The following CLNK variants were observed in gnomAD, a reference collection of about 807,000 sequenced individuals.
The protein encoded by CLNK is cytokine dependent hematopoietic cell linker.
In CLNK, 74 loss-of-function variants were observed where a neutral mutation model predicts 68.6. The observed-to-expected ratio is 1.08, with a 90% confidence interval of 0.89 to 1.31. The LOEUF (loss-of-function observed/expected upper bound fraction) is 1.31. Ranked by LOEUF, CLNK falls within the 50% of genes most tolerant of loss-of-function variation. The probability of loss-of-function intolerance (pLI) is 0.00; values close to 1 mark genes in which losing one functional copy is unlikely to be tolerated. For missense variants in CLNK, 553 were observed against 515.3 expected (o/e 1.07, Z -0.71); for synonymous variants, 198 against 172.2 (o/e 1.15, Z -1.17).
chr4:10,520,979 G>T, intron 14 of CLNK, 148 bp from the exon 15 acceptor site: 2 of 654,432 alleles, frequency 3.1e-6, no homozygotes, highest in Admixed American at 4.9e-5. Context: ...AGAATCATTT[G>T]TTTTGAAAAG....
the CLNK span, among the ~76,000 whole-genome samples, chr4:10,734,668 T>C: frequency 0.043 from 6,497 of 152,300 alleles, 337 homozygotes; most frequent in African/African-American, 0.12. Flanking sequence ...GTATTTTACA[T>C]CAGTGCTTCT....
intron 1 of CLNK, among the ~76,000 whole-genome samples, chr4:10,672,007 C>A (rs975604865): frequency 1.3e-4 from 20 of 152,088 alleles, no homozygotes; most frequent in African/African-American, 4.3e-4. Context: ...GGTCGTAAGT[C>A]AAATACTTAA....
At chr4:10,510,611 C>T (rs955022000) in intron 16 of CLNK, among the ~76,000 whole-genome samples, 5 of 152,142 alleles carry the variant, frequency 3.3e-5, no homozygotes, top group Non-Finnish European at 7.3e-5. Context: ...CATAGCTCTT[C>T]GGCACTAACA....
chr4:10,492,257 G>T (rs1716609542), intron 18 of CLNK, among the ~76,000 whole-genome samples: 1 of 152,094 alleles, frequency 6.6e-6, no homozygotes, highest in Non-Finnish European at 1.5e-5. Context: ...TTTCAGCTTT[G>T]CCTATAGCTT....
intron 2 of CLNK, among the ~76,000 whole-genome samples, chr4:10,646,826 A>G (rs746373037): frequency 6.6e-6 from 1 of 152,192 alleles, no homozygotes; most frequent in Non-Finnish European, 1.5e-5. Flanking sequence ...CTTTATGCAC[A>G]TGTTCCTAGA....
the CLNK span, among the ~76,000 whole-genome samples, chr4:10,723,173 TG>T: frequency 6.6e-6 from 1 of 152,150 alleles, no homozygotes; most frequent in Non-Finnish European, 1.5e-5. Flanking sequence ...ATGAAGAGGA[TG>T]TTTCCTGTCA....
chr4:10,678,934 C>A (rs879087828), intron 1 of CLNK, among the ~76,000 whole-genome samples: 1 of 152,274 alleles, frequency 6.6e-6, no homozygotes, highest in South Asian at 2.1e-4. Context: ...AATGGCCATA[C>A]TGCCCAAGGT....
upstream of CLNK, among the ~76,000 whole-genome samples, chr4:10,689,745 A>ATTTTTTTTTTTTTTGTTT (rs1725396078): frequency 1.0e-5 from 1 of 100,094 alleles, no homozygotes; most frequent in Non-Finnish European, 2.0e-5. Flanking sequence ...AAACCCATGC[A>ATTTTTTTTTTTTTTGTTT]TTTTTTTTTT....
rs556135618 is a variant in CLNK at position 10,537,402 on chromosome 4, C to T, written c.602+3092G>A. Among the ~76,000 whole-genome samples the T allele has an allele frequency of 9.5e-4, 145 of 152,198 alleles. 1 individual carries two copies. Among genetic ancestry groups the T allele is most frequent in the Admixed American group, 3.8e-3 (58 of 15,292 alleles). The stretch of plus-strand genomic sequence containing the variant: ...TTGAGTCAGGAGAATCAATTGAACC[C>T]GGGAGGCAGAGGTTGCAGTGAGCTG... On this transcript the variant is annotated intron_variant, in intron 11 of 18. Coordinates refer to ENST00000226951, the MANE Select transcript of CLNK (RefSeq NM_052964.4).
chr4:10,548,491 G>A (rs1024507658), intron 8 of CLNK, among the ~76,000 whole-genome samples: 2 of 152,178 alleles, frequency 1.3e-5, no homozygotes, highest in African/African-American at 4.8e-5. Flanking sequence ...TTGCTGTGGA[G>A]AAGCTTTTTA....
At chr4:10,603,233 C>T (rs1721658737) in intron 2 of CLNK, among the ~76,000 whole-genome samples, 1 of 152,126 alleles carries the variant, frequency 6.6e-6, no homozygotes, top group Admixed American at 6.5e-5. Flanking sequence ...TGCTCTTAAG[C>T]CACAGTTCTC....
intron 2 of CLNK, among the ~76,000 whole-genome samples, chr4:10,636,128 C>T (rs532741763): frequency 1.5e-4 from 23 of 152,174 alleles, no homozygotes; most frequent in African/African-American, 5.1e-4. Flanking sequence ...TGGTGTCTTC[C>T]AAAAAGATGT....
intron 7 of CLNK, among the ~76,000 whole-genome samples, chr4:10,564,145 A>G (rs1456828503): frequency 6.9e-6 from 1 of 145,496 alleles, no homozygotes; most frequent in African/African-American, 2.6e-5. Flanking sequence ...TCTGTCACCC[A>G]GGCTGGAGTG....
chr4:10,701,025 T>C, the CLNK span, among the ~76,000 whole-genome samples: 1 of 150,782 alleles, frequency 6.6e-6, no homozygotes, highest in East Asian at 1.9e-4. Context: ...TAAAAGCTTT[T>C]ACCAGCTCTC....
chr4:10,617,695 T>C (rs1005052211), intron 2 of CLNK, among the ~76,000 whole-genome samples: 22 of 152,226 alleles, frequency 1.4e-4, no homozygotes, highest in Non-Finnish European at 2.9e-4. Context: ...TCTCTACTGT[T>C]ATTTTGTTTT....
intron 2 of CLNK, among the ~76,000 whole-genome samples, chr4:10,637,109 C>A (rs1723121628): frequency 6.6e-6 from 1 of 152,200 alleles, no homozygotes; most frequent in Admixed American, 6.5e-5. Flanking sequence ...AAACATGTTT[C>A]TATCATTTTC....
chr4:10,576,646 C>A (rs1720576244), intron 4 of CLNK, among the ~76,000 whole-genome samples: 1 of 152,170 alleles, frequency 6.6e-6, no homozygotes, highest in Non-Finnish European at 1.5e-5. Context: ...TGGCCAATAC[C>A]TGTCCAACTG....
chr4:10,581,810 A>G (rs1038245591), intron 4 of CLNK, among the ~76,000 whole-genome samples: 3 of 152,126 alleles, frequency 2.0e-5, no homozygotes, highest in African/African-American at 7.2e-5. Context: ...AAATGAAATA[A>G]TAGAGACATT....
chr4:10,687,497 G>C (rs921029510), upstream of CLNK, among the ~76,000 whole-genome samples: 1 of 152,126 alleles, frequency 6.6e-6, no homozygotes, highest in South Asian at 2.1e-4. Flanking sequence ...ACAAAAGAAG[G>C]CTTCTAAGAA....
Sources: allele counts gnomAD v4.1 joint callset (sites outside exome capture counted in the v4.1 genomes callset), GRCh38; gene constraint gnomAD v4.1.1; transcripts MANE v1.5; gene names NCBI Gene and HGNC (gene_info 2026-07-23, HGNC 2026-07-21).